SCPEP1: variants seen among roughly 807,000 people sequenced by gnomAD.
SCPEP1 encodes retinoid-inducible serine carboxypeptidase.
Under a neutral mutation model 63.8 loss-of-function variants are expected in SCPEP1, and 51 were observed. The ratio of observed to expected loss-of-function variants is 0.80; its 90% confidence interval spans 0.64 to 1.01. The LOEUF is 1.01. Among genes scored for constraint, SCPEP1 ranks in the 50% least tolerant of loss-of-function variants. The probability of loss-of-function intolerance (pLI) is 0.00; values close to 1 mark genes in which losing one functional copy is unlikely to be tolerated. For synonymous variants in SCPEP1, 204 were observed against 207.8 expected, an observed-to-expected ratio of 0.98 and a Z score of 0.16; for missense variants, 499 against 554.9, an observed-to-expected ratio of 0.90 and a Z score of 1.01.
chr17:56,985,632 G>C (rs983449461), intron 3 of SCPEP1, among the ~76,000 whole-genome samples, 165 bp downstream of exon 3: 9 of 152,154 alleles, frequency 5.9e-5, no homozygotes, highest in Non-Finnish European at 1.2e-4. Flanking sequence ...CTCTGGCCTA[G>C]CTTCTCTCCC....
At chr17:56,980,744 C>T (rs1390097646) in intron 1 of SCPEP1, among the ~76,000 whole-genome samples, 1 of 139,352 alleles carries the variant, frequency 7.2e-6, no homozygotes, top group East Asian at 2.2e-4. Context: ...GCCGAGATTG[C>T]GCCATTGCAT....
rs1370411945 is a variant in SCPEP1 at position 57,000,967 on chromosome 17, G to A, written c.1107G>A (p.Gln369=). 8.7e-6 allele frequency: 14 copies of A among 1,614,102 alleles called. No homozygotes were observed. The highest frequency in any genetic ancestry group is 1.0e-5 in the Non-Finnish European group (12 of 1,180,040). ...AGINVTVYNG[Q]LDLIVDTMGQ... ...TCAACGTGACGGTGTATAATGGACA[G>A]CTGGATCTCATCGTAGATACCATGG... Residue 369 remains glutamine, a synonymous_variant, in exon 11 of 13, where the codon CAG becomes CAA. Coordinates refer to ENST00000262288, the MANE Select transcript of SCPEP1 (RefSeq NM_021626.3).
rs746229890 is a variant in SCPEP1, at chr17:56,988,224, A to G, written c.480A>G (p.Pro160=). ...ATTCCTTTTCTTGCTAGACAGTTCC[A>G]TTCTACATTTTCTCAGAGTCCTATG... ...FSCHKEFQTV[P]FYIFSESYGG... is the part of the protein sequence containing the mutation. The change falls in exon 5 of 13, where the codon CCA becomes CCG. Residue 160 remains proline, a synonymous_variant. Coordinates refer to ENST00000262288, the MANE Select transcript of SCPEP1 (RefSeq NM_021626.3). 2 of 1,610,830 alleles carry G rather than the reference A, an allele frequency of 1.2e-6. No homozygotes were observed. The highest frequency in any genetic ancestry group is 1.7e-6 in the Non-Finnish European group (2 of 1,177,438).
chr17:57,002,172 T>A lies in SCPEP1; in HGVS notation c.1287T>A (p.Ala429=), dbSNP rs1267110508. 1.2e-6 allele frequency: 2 copies of A among 1,612,470 alleles called. No homozygotes were observed. Among genetic ancestry groups the A allele is most frequent in the Non-Finnish European group, 1.7e-6 (2 of 1,179,612 alleles). ...TTGCTTTCTACTGGATTCTGAAAGC[T>A]GGTCATATGGTAAGAAAGAGCTTTT... The part of the protein sequence containing the change: ...KNLAFYWILK[A]GHMVPSDQGD... The change falls in exon 12 of 13, where the codon GCT becomes GCA. Residue 429 remains alanine, a synonymous_variant. Coordinates refer to ENST00000262288, the MANE Select transcript of SCPEP1 (RefSeq NM_021626.3).
chr17:56,996,396 G>T (rs1329373263), intron 8 of SCPEP1, among the ~76,000 whole-genome samples: 1 of 151,812 alleles, frequency 6.6e-6, no homozygotes, highest in Non-Finnish European at 1.5e-5. Flanking sequence ...GTAGAGAAGG[G>T]GTTTCACCGT....
chr17:56,995,868 G>T, intron 8 of SCPEP1: 2 of 239,796 alleles, frequency 8.3e-6, no homozygotes, highest in Non-Finnish European at 1.5e-5. Context: ...TAAATGTATG[G>T]ATTCTATTAA....
intron 6 of SCPEP1, among the ~76,000 whole-genome samples, chr17:56,992,175 T>A (rs1911420007): frequency 6.6e-6 from 1 of 152,194 alleles, no homozygotes; most frequent in Non-Finnish European, 1.5e-5. Context: ...TTAAAAATAA[T>A]CATTTATAAA....
chr17:56,998,635 G>A (rs994829468), intron 10 of SCPEP1, 137 bp downstream of exon 10: 6 of 657,432 alleles, frequency 9.1e-6, no homozygotes, highest in Non-Finnish European at 1.7e-5. Flanking sequence ...TACTATCCAC[G>A]TTTTGTAGGT....
chr17:56,985,872 T>C (rs986098408), intron 3 of SCPEP1, among the ~76,000 whole-genome samples: 2 of 151,922 alleles, frequency 1.3e-5, no homozygotes, highest in African/African-American at 4.8e-5. Context: ...CCTTTCAATG[T>C]CTCTCTTGCT....
At position 56,995,614 on chromosome 17, in the gene SCPEP1, A is replaced by G. The variant is rs1315379392; in HGVS notation, c.765A>G (p.Lys255=). The change falls in exon 8 of 13, where the codon AAA becomes AAG. Residue 255 remains lysine, a synonymous_variant. Coordinates refer to ENST00000262288, the MANE Select transcript of SCPEP1 (RefSeq NM_021626.3). ...GAGAGGCCACAGAGCTGTGGGGGAA[A>G]GCAGAAATGATCATTGAACAGGTAA... ...LYREATELWG[K]AEMIIEQNTD... The G allele has an allele frequency of 1.2e-6, 2 of 1,614,042 alleles. No individual in the cohort carries two copies. The highest frequency in any genetic ancestry group is 1.1e-5 in the South Asian group (1 of 91,062).
chr17:56,987,340 C>T (rs1366466421), intron 3 of SCPEP1: 3 of 179,906 alleles, frequency 1.7e-5, no homozygotes, highest in Non-Finnish European at 3.5e-5. Context: ...CGAGTTAGTG[C>T]ATAGACTGTC....
chr17:57,002,743 T>C (rs1911777211), intron 12 of SCPEP1, among the ~76,000 whole-genome samples: 1 of 151,682 alleles, frequency 6.6e-6, no homozygotes, highest in Admixed American at 6.6e-5. Flanking sequence ...CGGTGGCGCA[T>C]GCCTGTGGTC....
chr17:56,995,679 C>T, intron 8 of SCPEP1, 44 bp downstream of exon 8: 1 of 1,605,064 alleles, frequency 6.2e-7, no homozygotes, highest in African/African-American at 1.3e-5. Flanking sequence ...TTGGCTTTTT[C>T]TGGTGGGTAC....
At position 56,997,662 on chromosome 17, in the gene SCPEP1, A is replaced by G. The variant is rs149131771; in HGVS notation, c.880+607A>G. Among the ~76,000 whole-genome samples, 73 of 152,308 alleles carry G rather than the reference A, an allele frequency of 4.8e-4. 1 individual carries two copies. The East Asian group carries it at 0.011, about 23-fold the overall frequency. On this transcript the variant is annotated intron_variant, in intron 9 of 12. Transcript: ENST00000262288. ...GTAACTGTGGTTTTTGACAGGTTTC[A>G]AGAATTATTAACTCACAACTAATGA...
intron 1 of SCPEP1, among the ~76,000 whole-genome samples, chr17:56,980,192 G>A (rs1193714114): frequency 6.6e-6 from 1 of 152,126 alleles, no homozygotes; most frequent in Non-Finnish European, 1.5e-5. Context: ...ACAGCTCACT[G>A]CAGCCTCAAC....
chr17:56,995,798 T>A, intron 8 of SCPEP1, 163 bp downstream of exon 8: 1 of 657,114 alleles, frequency 1.5e-6, no homozygotes, highest in Non-Finnish European at 2.2e-6. Flanking sequence ...AGCAGTGATG[T>A]AGTGGCTCCT....
At chr17:56,995,150 A>C in intron 7 of SCPEP1, 132 bp downstream of exon 7, 1 of 740,378 alleles carries the variant, frequency 1.4e-6, no homozygotes, top group South Asian at 1.8e-5. Context: ...CTAGTCATCC[A>C]CATAGAGTTG....
intron 5 of SCPEP1, among the ~76,000 whole-genome samples, chr17:56,989,097 G>A (rs1429060621): frequency 1.3e-5 from 2 of 152,106 alleles, no homozygotes; most frequent in East Asian, 3.9e-4. Context: ...GGATGAGGTG[G>A]GAGGATCGCT....
intron 3 of SCPEP1, among the ~76,000 whole-genome samples, chr17:56,986,230 T>C (rs1305721478): frequency 6.6e-6 from 1 of 152,038 alleles, no homozygotes; most frequent in African/African-American, 2.4e-5. Flanking sequence ...TCTTTTTTTT[T>C]TTTTTTGGAA....
Sources: allele counts gnomAD v4.1 joint callset (sites outside exome capture counted in the v4.1 genomes callset), GRCh38; gene constraint gnomAD v4.1.1; transcripts MANE v1.5; gene names NCBI Gene and HGNC (gene_info 2026-07-23, HGNC 2026-07-21).